Variants in COX7B2 observed in about 807,000 individuals in gnomAD.
COX7B2 encodes cytochrome c oxidase subunit 7B2.
For synonymous variants in COX7B2, 37 were observed against 32.1 expected, an observed-to-expected ratio of 1.15 and a Z score of -0.51; for missense variants, 109 against 95.9, an observed-to-expected ratio of 1.14 and a Z score of -0.57.
At chr4:46,788,307 C>A (rs1717857323) in intron 2 of COX7B2, among the ~76,000 whole-genome samples, 1 of 151,834 alleles carries the variant, frequency 6.6e-6, no homozygotes, top group Non-Finnish European at 1.5e-5. Context: ...CTGAAAAAAA[C>A]AATGTTATTT....
chr4:46,743,786 T>A (rs962230426), intron 2 of COX7B2, among the ~76,000 whole-genome samples: 1 of 152,188 alleles, frequency 6.6e-6, no homozygotes, highest in Non-Finnish European at 1.5e-5. Flanking sequence ...AAGCATTATC[T>A]CCAGATTAGT....
intron 1 of COX7B2, among the ~76,000 whole-genome samples, chr4:46,867,369 C>T (rs567666863): frequency 6.6e-6 from 1 of 152,206 alleles, no homozygotes; most frequent in South Asian, 2.1e-4. Flanking sequence ...TGATCCTGAC[C>T]AGATGAAATC....
chr4:46,815,403 G>A (rs1009969259), intron 2 of COX7B2, among the ~76,000 whole-genome samples: 7 of 152,052 alleles, frequency 4.6e-5, no homozygotes, highest in African/African-American at 1.7e-4. Context: ...ATTATGGCCT[G>A]CAGTGTAATA....
At position 46,804,304 on chromosome 4, in the gene COX7B2, G is replaced by A. The variant is rs189514962; in HGVS notation, c.-50+40656C>T. On this transcript the variant is annotated intron_variant, in intron 2 of 2. Transcript: ENST00000355591. ...CGAAAGAACGAAGCTTCCACGGTAC[G>A]GAAAGGGACCCTACCAGGTTGCCAC... Among the ~76,000 whole-genome samples the A allele has an allele frequency of 1.5e-4, 23 of 152,270 alleles. 1 individual carries two copies. Among genetic ancestry groups the A allele is most frequent in the South Asian group, 4.1e-4 (2 of 4,830 alleles).
chr4:46,829,722 A>C (rs1012398452), intron 2 of COX7B2, among the ~76,000 whole-genome samples: 7 of 152,194 alleles, frequency 4.6e-5, no homozygotes, highest in African/African-American at 7.2e-5. Context: ...AAACAGAACA[A>C]AGGGAAGTAG....
rs961571192 is a variant in COX7B2, at chr4:46,909,190, G to T, written c.-135C>A. On this transcript the variant is annotated 5_prime_UTR_variant, in exon 1 of 3. Transcript: ENST00000355591. ...ACGTCACAGGTAACAGGCAAAAAAA[G>T]ACGGCGCAGAGGCAAATTCCGAACC... 6.6e-6 allele frequency: 1 copy of T among 152,182 alleles called. No homozygotes were observed. Among genetic ancestry groups the T allele is most frequent in the Non-Finnish European group, 1.5e-5 (1 of 68,060 alleles). The allele number at this position is 152,182 out of a possible 1,614,324, so 9.4% of individuals were successfully genotyped here.
At chr4:46,880,660 T>C (rs981102336) in intron 1 of COX7B2, among the ~76,000 whole-genome samples, 1 of 148,518 alleles carries the variant, frequency 6.7e-6, no homozygotes, top group Non-Finnish European at 1.5e-5. Context: ...TTTCTAGTTG[T>C]GTTTATTTGG....
chr4:46,801,499 T>C (rs144462095), intron 2 of COX7B2, among the ~76,000 whole-genome samples: 454 of 152,220 alleles, frequency 3.0e-3, no homozygotes, highest in African/African-American at 0.01. Context: ...ATATCGCATG[T>C]TCCTACTTAT....
chr4:46,831,563 A>G (rs1368008420), intron 2 of COX7B2, among the ~76,000 whole-genome samples: 1 of 152,196 alleles, frequency 6.6e-6, no homozygotes, highest in Non-Finnish European at 1.5e-5. Context: ...GGGATTGTAA[A>G]TACATGAATC....
rs532000984 is a variant in COX7B2, at chr4:46,888,653, A to G, written c.-105+20507T>C. Among the ~76,000 whole-genome samples the G allele has an allele frequency of 8.1e-4, 124 of 152,186 alleles. 2 individuals carry two copies. Among genetic ancestry groups the G allele is most frequent in the Middle Eastern group, 3.4e-3 (1 of 294 alleles). ...ACTAGAGATGGGGTTTCACCATGTT[A>G]GTCAGGATGGTCTCGATCTCCTGAC... is the stretch of plus-strand genomic sequence containing the variant. On this transcript the variant is annotated intron_variant, in intron 1 of 2. Transcript: ENST00000355591.
intron 1 of COX7B2, among the ~76,000 whole-genome samples, chr4:46,894,447 T>C (rs978994322): frequency 3.3e-5 from 5 of 152,102 alleles, no homozygotes; most frequent in African/African-American, 1.2e-4. Flanking sequence ...ATGCAGAAGA[T>C]TGAAGCTGGA....
intron 2 of COX7B2, among the ~76,000 whole-genome samples, chr4:46,788,904 TAG>T (rs1313782205): frequency 2.0e-5 from 3 of 152,142 alleles, no homozygotes; most frequent in African/African-American, 7.2e-5. Flanking sequence ...CTCAGGGTGG[TAG>T]AGAGATTTAG....
At chr4:46,884,495 T>A (rs1718949819) in intron 1 of COX7B2, among the ~76,000 whole-genome samples, 1 of 152,218 alleles carries the variant, frequency 6.6e-6, no homozygotes, top group South Asian at 2.1e-4. Context: ...ATCACAAAAA[T>A]TAGCTCATAT....
chr4:46,901,200 T>C lies in COX7B2; in HGVS notation c.-105+7960A>G, dbSNP rs977548916. ...TTATTTGTGATATCTTGGGGTGATA[T>C]AACCTGTCATACACTGCCTCAACAT... On this transcript the variant is annotated intron_variant, in intron 1 of 2. Coordinates refer to ENST00000355591, the MANE Select transcript of COX7B2 (RefSeq NM_130902.3). 5.3e-5 allele frequency among the ~76,000 whole-genome samples: 8 copies of C among 152,310 alleles called. 2 individuals are homozygous for C. Among genetic ancestry groups the C allele is most frequent in the Admixed American group, 1.3e-4 (2 of 15,290 alleles).
intron 1 of COX7B2, among the ~76,000 whole-genome samples, chr4:46,875,279 G>A (rs1718251857): frequency 6.6e-6 from 1 of 152,056 alleles, no homozygotes; most frequent in Admixed American, 6.6e-5. Flanking sequence ...GTAAAACATT[G>A]GATTTTAACA....
intron 1 of COX7B2, among the ~76,000 whole-genome samples, chr4:46,877,957 C>A (rs1718448381): frequency 1.3e-5 from 2 of 151,134 alleles, no homozygotes; most frequent in Non-Finnish European, 2.9e-5. Flanking sequence ...TTCACAATAG[C>A]CAAGATATGG....
chr4:46,793,600 A>T (rs568490076), intron 2 of COX7B2, among the ~76,000 whole-genome samples: 1 of 152,294 alleles, frequency 6.6e-6, no homozygotes, highest in East Asian at 1.9e-4. Flanking sequence ...ACGGATTCAG[A>T]TGTGCAGCTC....
chr4:46,836,228 G>C (rs1157481480), intron 2 of COX7B2, among the ~76,000 whole-genome samples: 1 of 151,942 alleles, frequency 6.6e-6, no homozygotes, highest in African/African-American at 2.4e-5. Context: ...ATTTTACTGT[G>C]TGTTTACTTT....
At chr4:46,741,582 A>C (rs1714713473) in intron 2 of COX7B2, among the ~76,000 whole-genome samples, 1 of 152,018 alleles carries the variant, frequency 6.6e-6, no homozygotes, top group African/African-American at 2.4e-5. Context: ...AAGAAAATAA[A>C]TTATCCTGGT....
Sources: allele counts gnomAD v4.1 joint callset (sites outside exome capture counted in the v4.1 genomes callset), GRCh38; gene constraint gnomAD v4.1.1; transcripts MANE v1.5; gene names NCBI Gene and HGNC (gene_info 2026-07-23, HGNC 2026-07-21).